PRSS12: variants seen among roughly 807,000 people sequenced by gnomAD.
PRSS12 encodes the protein serine protease 12.
A neutral mutation model predicts 104.4 loss-of-function variants in PRSS12; 85 were observed. That is an observed-to-expected ratio of 0.81 (90% CI 0.68 to 0.98). The LOEUF is 0.98. PRSS12 is among the 50% of genes least tolerant of loss of function. PRSS12 has a pLI of 0.00. For missense variants in PRSS12, 1,141 were observed against 1,139.2 expected (o/e 1.00, Z -0.02); for synonymous variants, 454 against 425.2 (o/e 1.07, Z -0.83).
At chr4:118,340,909 G>GTTTAGATT (rs1385896738) in intron 1 of PRSS12, among the ~76,000 whole-genome samples, 3 of 152,184 alleles carry the variant, frequency 2.0e-5, no homozygotes, top group African/African-American at 7.2e-5. Flanking sequence ...AGGCTTATCA[G>GTTTAGATT]TTTAGATTTT....
chr4:118,318,500 A>G lies in PRSS12; in HGVS notation c.1028T>C (p.Met343Thr), dbSNP rs1489131682. ...CCCAGTGCAGCGTACTTCATCCAACATAACTGGGCCAGACCCTTCCCCAAA... is the reference window on the plus strand; with the variant it reads ...CCCAGTGCAGCGTACTTCATCCAACGTAACTGGGCCAGACCCTTCCCCAAA... ...AYFGEGSGPV[M>T]LDEVRCTGNE... Residue 343 changes from methionine to threonine, a missense_variant, in exon 5 of 13, where the codon ATG becomes ACG. Met to Thr is a moderately conservative substitution (Grantham distance 81). Transcript: ENST00000296498. The G allele has an allele frequency of 1.9e-6, 3 of 1,614,148 alleles. No individual in the cohort carries two copies. Among genetic ancestry groups the G allele is most frequent in the South Asian group, 1.1e-5 (1 of 91,082 alleles).
rs1432384893 is a variant in PRSS12 at position 118,322,190 on chromosome 4, T to C, written c.972-3634A>G. ...TAGTGTACAAGGCTATGAAAAAAAT[T>C]CAACTGTTTTAAAGATTACTTATAG... On this transcript the variant is annotated intron_variant, in intron 4 of 12. Coordinates refer to ENST00000296498, the MANE Select transcript of PRSS12 (RefSeq NM_003619.4). 1.1e-4 allele frequency among the ~76,000 whole-genome samples: 17 copies of C among 152,128 alleles called. 1 individual carries two copies. The highest frequency in any genetic ancestry group is 1.1e-3 in the Admixed American group (17 of 15,268).
At chr4:118,313,511 T>C in intron 6 of PRSS12, 114 bp from the exon 7 acceptor site, 1 of 1,121,866 alleles carries the variant, frequency 8.9e-7, no homozygotes, top group South Asian at 1.3e-5. Context: ...AGGATAAGTA[T>C]CTGTTCTTTC....
At chr4:118,324,631 T>A (rs151222505) in intron 4 of PRSS12, among the ~76,000 whole-genome samples, 1 of 152,086 alleles carries the variant, frequency 6.6e-6, no homozygotes, top group African/African-American at 2.4e-5. Flanking sequence ...GCCCCAAACA[T>A]TGACTCTGGG....
chr4:118,352,774 C>A lies in PRSS12; in HGVS notation c.-54G>T, dbSNP rs944728389. 12 of 1,583,784 alleles carry A rather than the reference C, an allele frequency of 7.6e-6. No individual in the cohort carries two copies. The East Asian group carries it at 2.6e-4, about 34-fold the overall frequency. ...GCTCCCCAGCTTCTCGGGCTTGGAG[C>A]GGAGAAGAGGAGGGGGCGGGGGCGG... On this transcript the variant is annotated 5_prime_UTR_variant, in exon 1 of 13. Transcript: ENST00000296498.
intron 11 of PRSS12, among the ~76,000 whole-genome samples, chr4:118,286,105 T>C (rs1743011151): frequency 6.6e-6 from 1 of 152,218 alleles, no homozygotes; most frequent in Admixed American, 6.5e-5. Context: ...AGTAGTCGCC[T>C]GAATGGACTT....
At chr4:118,285,260 T>G (rs911815816) in intron 11 of PRSS12, among the ~76,000 whole-genome samples, 11 of 152,182 alleles carry the variant, frequency 7.2e-5, no homozygotes, top group Non-Finnish European at 2.9e-5. Context: ...TCTTATAGCT[T>G]CCTTGAAAAT....
chr4:118,326,094 G>C (rs1311327754), intron 4 of PRSS12, among the ~76,000 whole-genome samples: 1 of 152,176 alleles, frequency 6.6e-6, no homozygotes, highest in African/African-American at 2.4e-5. Context: ...CCCAGGATTA[G>C]CTACTGCTTT....
rs28610040 is a variant in PRSS12 at position 118,340,572 on chromosome 4, C to T, written c.503-2258G>A. 6.9e-3 allele frequency among the ~76,000 whole-genome samples: 1,051 copies of T among 152,242 alleles called. 10 individuals are homozygous for T. Among genetic ancestry groups the T allele is most frequent in the South Asian group, 0.024 (116 of 4,820 alleles). ...CAATTCTTCTAATAATTATTTGAAA[C>T]AACTTTTTTAAAAACAGCATTCAAA... is the stretch of plus-strand genomic sequence containing the variant. On this transcript the variant is annotated intron_variant, in intron 1 of 12. Coordinates refer to ENST00000296498, the MANE Select transcript of PRSS12 (RefSeq NM_003619.4).
chr4:118,325,721 A>G (rs1344061337), intron 4 of PRSS12, among the ~76,000 whole-genome samples: 1 of 152,096 alleles, frequency 6.6e-6, no homozygotes, highest in African/African-American at 2.4e-5. Context: ...TGAATTTGAT[A>G]AAGCTGTGTG....
At chr4:118,302,283 A>G (rs1190410622) in intron 8 of PRSS12, among the ~76,000 whole-genome samples, 1 of 152,180 alleles carries the variant, frequency 6.6e-6, no homozygotes, top group East Asian at 1.9e-4. Flanking sequence ...TGTTAGCAAA[A>G]TAACTTTGTA....
chr4:118,340,975 T>C (rs567971482), intron 1 of PRSS12, among the ~76,000 whole-genome samples: 21 of 152,330 alleles, frequency 1.4e-4, no homozygotes, highest in African/African-American at 5.0e-4. Context: ...AAGAACCCTC[T>C]CTGGAATGGG....
chr4:118,318,529 T>C lies in PRSS12; in HGVS notation c.999A>G (p.Ala333=), dbSNP rs1397775102. The change falls in exon 5 of 13, where the codon GCA becomes GCG. Residue 333 remains alanine, a synonymous_variant. Coordinates refer to ENST00000296498, the MANE Select transcript of PRSS12 (RefSeq NM_003619.4). ...LSGIAKAWHQ[A]YFGEGSGPVM... ...CTGGGCCAGACCCTTCCCCAAAATA[T>C]GCCTGATGCCATGCTTTGGCAATGC... 14 of 1,613,994 alleles carry C rather than the reference T, an allele frequency of 8.7e-6. No individual in the cohort carries two copies. Among genetic ancestry groups the C allele is most frequent in the Non-Finnish European group, 1.2e-5 (14 of 1,180,010 alleles).
At chr4:118,313,725 C>T (rs915862560) in intron 6 of PRSS12, among the ~76,000 whole-genome samples, 2 of 152,110 alleles carry the variant, frequency 1.3e-5, no homozygotes, top group Non-Finnish European at 1.5e-5. Context: ...GAAATTGTGA[C>T]CAGAAAGTGA....
At position 118,312,939 on chromosome 4, in the gene PRSS12, A is replaced by G. The variant is rs571747518; in HGVS notation, c.1489+262T>C. 4 of 487,178 alleles carry G rather than the reference A, an allele frequency of 8.2e-6. No homozygotes were observed. The East Asian group carries it at 1.6e-4, about 20-fold the overall frequency. The allele number at this position is 487,178 out of a possible 1,614,324, so 30.2% of individuals were successfully genotyped here. A position where few individuals can be genotyped will look rare whatever the true frequency, so the allele number is the denominator to read the frequency against. On this transcript the variant is annotated intron_variant, in intron 7 of 12. Coordinates refer to ENST00000296498, the MANE Select transcript of PRSS12 (RefSeq NM_003619.4). ...AGCTTCTTTATTCCATTTTTCAGAT[A>G]CAGATGATTGTAAACATTGTTAGTG... is the stretch of plus-strand genomic sequence containing the variant.
intron 1 of PRSS12, among the ~76,000 whole-genome samples, chr4:118,343,827 T>G (rs1724280267): frequency 6.6e-6 from 1 of 152,164 alleles, no homozygotes; most frequent in South Asian, 2.1e-4. Flanking sequence ...CATTCCTTAA[T>G]TTAAAGAGAA....
In PRSS12 at chr4:118,351,563, T is replaced by TA. The variant is rs146179130; in HGVS notation, c.502+655dup. ...TCTGGAAAACTGTGTATAACTATAT[T>TA]AAGTTGCTACTTCACCAAGATAGTA... is the stretch of plus-strand genomic sequence containing the variant. On this transcript the variant is annotated intron_variant, in intron 1 of 12. Transcript: ENST00000296498. Among the ~76,000 whole-genome samples the TA allele has an allele frequency of 3.7e-3, 569 of 152,314 alleles. 2 individuals are homozygous for TA. The highest frequency in any genetic ancestry group is 0.013 in the African/African-American group (535 of 41,568).
chr4:118,325,123 T>C (rs1049904594), intron 4 of PRSS12, among the ~76,000 whole-genome samples: 1 of 151,992 alleles, frequency 6.6e-6, no homozygotes, highest in Non-Finnish European at 1.5e-5. Flanking sequence ...CAATCCTAAG[T>C]GAATTAACAC....
chr4:118,341,953 C>T (rs1453109159), intron 1 of PRSS12, among the ~76,000 whole-genome samples: 1 of 152,160 alleles, frequency 6.6e-6, no homozygotes, highest in Non-Finnish European at 1.5e-5. Context: ...AACTAATCCA[C>T]CAAATCTTGT....
Sources: gnomAD v4.1 joint callset for allele counts (sites outside exome capture counted in the v4.1 genomes callset) on GRCh38, gnomAD v4.1.1 for gene constraint, MANE v1.5 for transcripts, NCBI Gene and HGNC (gene_info 2026-07-23, HGNC 2026-07-21) for gene names.